ANGPT4: variants seen among roughly 807,000 people sequenced by gnomAD.
The protein encoded by ANGPT4 is angiopoietin-4.
ANGPT4 carries 50 observed loss-of-function variants against 53.0 expected under a neutral mutation model. The observed-to-expected ratio is 0.94, with a 90% confidence interval of 0.75 to 1.20. The LOEUF is 1.20. ANGPT4 is among the 50% of genes most tolerant of loss of function. The pLI, the probability that ANGPT4 is intolerant of heterozygous loss-of-function variation, is 0.00. For missense variants in ANGPT4, 648 were observed against 637.1 expected, an observed-to-expected ratio of 1.02 and a Z score of -0.18; for synonymous variants, 251 against 259.7, an observed-to-expected ratio of 0.97 and a Z score of 0.32.
rs6055458 is a variant in ANGPT4, at chr20:872,204, A to G, written c.*756T>C. On this transcript the variant is annotated 3_prime_UTR_variant, in exon 9 of 9. Coordinates refer to ENST00000381922, the MANE Select transcript of ANGPT4 (RefSeq NM_015985.4). Reference sequence around the variant, plus strand: ...ACTTAACCTGCTGTTTCCTTTTCTCATTGCTCATAGGTACTTTTAGAGACA... The same window carrying G: ...ACTTAACCTGCTGTTTCCTTTTCTCGTTGCTCATAGGTACTTTTAGAGACA... 0.18 allele frequency: 27,891 copies of G among 152,130 alleles called. 4,314 individuals are homozygous for G. Among genetic ancestry groups the G allele is most frequent in the African/African-American group, 0.43 (17,808 of 41,446 alleles). 9.4% of individuals were successfully genotyped at this position (152,130 alleles called of 1,614,324 possible).
rs911075471 is a variant in ANGPT4 at position 885,025 on chromosome 20, C to CG, written c.835+52_835+53insC. 4 of 1,604,618 alleles carry CG rather than the reference C, an allele frequency of 2.5e-6. No homozygotes were observed. In the African/African-American group the frequency reaches 4.0e-5, roughly 16 times the overall value. ...CCCTGGAGGGTGAGCAGGGTCTCCC[C>CG]TCCCCTCTCCTGCCCGTCTTTAGCC... On this transcript the variant is annotated intron_variant, in intron 4 of 8. Coordinates refer to ENST00000381922, the MANE Select transcript of ANGPT4 (RefSeq NM_015985.4).
In ANGPT4 at chr20:874,273, C is replaced by A; in HGVS notation, c.1351+11G>T. ...GTGGGTGGGCGGAGCTTCACCCCAC[C>A]CTGCACCTACCTCCAGACATCACTT... On this transcript the variant is annotated intron_variant, in intron 8 of 8. Coordinates refer to ENST00000381922, the MANE Select transcript of ANGPT4 (RefSeq NM_015985.4). The A allele has an allele frequency of 6.2e-7, 1 of 1,613,804 alleles. No individual in the cohort carries two copies. Among genetic ancestry groups the A allele is most frequent in the Non-Finnish European group, 8.5e-7 (1 of 1,179,834 alleles).
rs775920001 is a variant in ANGPT4, at chr20:890,292, G to A, written c.386C>T (p.Ala129Val). Residue 129 changes from alanine (A) to valine (V), a missense_variant, in exon 2 of 9, where the codon GCC becomes GTC. By Grantham distance (64) the Ala-to-Val change is moderately conservative (BLOSUM62 0). Coordinates refer to ENST00000381922, the MANE Select transcript of ANGPT4 (RefSeq NM_015985.4). ...VQQQMAQNQT[A>V]PMLELGTSLL... ...GCTGGTGCCCAGCTCTAGCATGGGG[G>A]CCGTCTGATTCTGGGCCATTTGCTG... The A allele has an allele frequency of 6.2e-7, 1 of 1,613,914 alleles. No individual in the cohort carries two copies. Among genetic ancestry groups the A allele is most frequent in the Non-Finnish European group, 8.5e-7 (1 of 1,179,996 alleles).
Position 874,317 on chromosome 20 carries a change from A to G in ANGPT4, c.1318T>C (p.Cys440Arg), listed in dbSNP as rs951142899. ...FSTLDSDNDH[C>R]LCKCAQVMSG... is the part of the protein sequence containing the mutation. ...ATCACTTGGGCACACTTGCAGAGAC[A>G]GTGGTCGTTGTCTGAGTCAAGGGTG... Residue 440 changes from cysteine to arginine, a missense_variant, in exon 8 of 9, where the codon TGT (cysteine) becomes CGT (arginine). By Grantham distance (180) the Cys-to-Arg change is radical. Transcript: ENST00000381922. 6.2e-7 allele frequency: 1 copy of G among 1,614,210 alleles called. No individual in the cohort carries two copies. The highest frequency in any genetic ancestry group is 8.5e-7 in the Non-Finnish European group (1 of 1,180,018).
intron 6 of ANGPT4, among the ~76,000 whole-genome samples, chr20:879,388 G>C (rs757142052): frequency 1.3e-5 from 2 of 152,128 alleles, no homozygotes; most frequent in African/African-American, 2.4e-5. Flanking sequence ...TATGATCATA[G>C]ACGTATGAAA....
rs569614440 is a variant in ANGPT4, at chr20:872,714, G to A, written c.*246C>T. On this transcript the variant is annotated 3_prime_UTR_variant, in exon 9 of 9. Transcript: ENST00000381922. ...CCTCAGGCAGGGAGCCCCTGAAGGG[G>A]GAGGGAGAGAAGAGGGGCGAGGACT... The A allele has an allele frequency of 1.5e-4, 80 of 516,668 alleles. No individual in the cohort carries two copies. Among genetic ancestry groups the A allele is most frequent in the African/African-American group, 1.5e-3 (79 of 52,216 alleles). 32.0% of individuals were successfully genotyped at this position (516,668 alleles called of 1,614,324 possible).
At chr20:898,008 T>C (rs1206643525) in intron 1 of ANGPT4, among the ~76,000 whole-genome samples, 1 of 152,240 alleles carries the variant, frequency 6.6e-6, no homozygotes, top group Admixed American at 6.5e-5. Flanking sequence ...TGGTCTGAGG[T>C]GCCTGATGTC....
rs189925668 is a variant in ANGPT4 at position 890,670 on chromosome 20, T to G, written c.310-302A>C. On this transcript the variant is annotated intron_variant, in intron 1 of 8. Transcript: ENST00000381922. ...AACCTAAGTCAAGTCACACTCCTCC[T>G]TTGCTCAAAATCTTTCCAGGGTTCC... Among the ~76,000 whole-genome samples the G allele has an allele frequency of 1.0e-3, 153 of 152,288 alleles. 4 individuals carry two copies. The East Asian group carries it at 0.024, about 24-fold the overall frequency.
At chr20:887,483 C>G (rs1981657823) in intron 3 of ANGPT4, among the ~76,000 whole-genome samples, 1 of 152,172 alleles carries the variant, frequency 6.6e-6, no homozygotes, top group Non-Finnish European at 1.5e-5. Flanking sequence ...CAACATCTTG[C>G]CTGATTCACA....
intron 1 of ANGPT4, among the ~76,000 whole-genome samples, chr20:900,327 C>T (rs887639794): frequency 6.6e-6 from 1 of 152,158 alleles, no homozygotes; most frequent in Non-Finnish European, 1.5e-5. Flanking sequence ...TAGGAAGTTA[C>T]CCCATCAGTC....
At chr20:875,640 T>C (rs920576785) in intron 7 of ANGPT4, among the ~76,000 whole-genome samples, 19 of 152,170 alleles carry the variant, frequency 1.2e-4, no homozygotes, top group African/African-American at 4.6e-4. Flanking sequence ...CGTTTATTAT[T>C]GATTTGGTGA....
rs1408102068 is a variant in ANGPT4 at position 871,749 on chromosome 20, G to A, written c.*1211C>T. 6.6e-6 allele frequency: 1 copy of A among 152,244 alleles called. No individual in the cohort carries two copies. The highest frequency in any genetic ancestry group is 1.5e-5 in the Non-Finnish European group (1 of 68,082). 9.4% of individuals were successfully genotyped at this position (152,244 alleles called of 1,614,324 possible). A position where few individuals can be genotyped will look rare whatever the true frequency, so the allele number is the denominator to read the frequency against. ...AGTTGAGGTTACAGGGAGTCCTAAGGGAAGCCACCCAGGTAGAGATCAGCT... is the reference window on the plus strand; with the variant it reads ...AGTTGAGGTTACAGGGAGTCCTAAGAGAAGCCACCCAGGTAGAGATCAGCT... On this transcript the variant is annotated 3_prime_UTR_variant, in exon 9 of 9. Coordinates refer to ENST00000381922, the MANE Select transcript of ANGPT4 (RefSeq NM_015985.4).
Position 879,805 on chromosome 20 carries a change from A to C in ANGPT4, c.995T>G (p.Ile332Ser), listed in dbSNP as rs1384188290. ...CACGGTGCCATTCTCACGGCGCTGGATGAGGGTCCACCTGCCTCCACTGCT... is the reference window on the plus strand; with the variant it reads ...CACGGTGCCATTCTCACGGCGCTGGCTGAGGGTCCACCTGCCTCCACTGCT... ...LQSSGGRWTL[I>S]QRRENGTVNF... The change falls in exon 6 of 9, where the codon ATC becomes AGC. Residue 332 changes from isoleucine to serine, a missense_variant. By Grantham distance (142) the Ile-to-Ser change is moderately radical. Transcript: ENST00000381922. 1.2e-6 allele frequency: 2 copies of C among 1,613,788 alleles called. No individual in the cohort carries two copies. Among genetic ancestry groups the C allele is most frequent in the South Asian group, 1.1e-5 (1 of 91,044 alleles).
chr20:881,290 C>A lies in ANGPT4; in HGVS notation c.836-4G>T. On this transcript the variant is annotated splice_region_variant and splice_polypyrimidine_tract_variant and intron_variant, in intron 4 of 8. Transcript: ENST00000381922. ...TGCTCACCTGCCATTATGAAGGCTG[C>A]AAAGGGACAACACAAAAGTCAGTTG... 5 of 1,613,780 alleles carry A rather than the reference C, an allele frequency of 3.1e-6. No individual in the cohort carries two copies. The highest frequency in any genetic ancestry group is 2.2e-5 in the East Asian group (1 of 44,884).
chr20:897,065 GCCAGAGAACAACCC>G (rs1172752375), intron 1 of ANGPT4, among the ~76,000 whole-genome samples: 2 of 151,958 alleles, frequency 1.3e-5, no homozygotes, highest in African/African-American at 4.8e-5. Flanking sequence ...GCCCCTGCCC[GCCAGAGAACAACCC>G]CCTTTAACTG....
intron 1 of ANGPT4, among the ~76,000 whole-genome samples, chr20:892,274 T>C (rs758622073): frequency 6.6e-6 from 1 of 152,008 alleles, no homozygotes; most frequent in African/African-American, 2.4e-5. Context: ...ACGTTAATAA[T>C]AAAATGATGT....
intron 2 of ANGPT4, among the ~76,000 whole-genome samples, chr20:889,124 C>T (rs1981734456): frequency 6.6e-6 from 1 of 152,184 alleles, no homozygotes; most frequent in South Asian, 2.1e-4. Flanking sequence ...TGCAGCCCTA[C>T]CTTCTCCATG....
chr20:909,088 A>G (rs944323519), intron 1 of ANGPT4, among the ~76,000 whole-genome samples: 1 of 151,588 alleles, frequency 6.6e-6, no homozygotes, highest in Non-Finnish European at 1.5e-5. Context: ...CCGGGTACGA[A>G]CTCACCTCCC....
chr20:882,867 G>A (rs1291874136), intron 4 of ANGPT4, among the ~76,000 whole-genome samples: 1 of 152,218 alleles, frequency 6.6e-6, no homozygotes, highest in African/African-American at 2.4e-5. Context: ...TGTTTCCAAG[G>A]TGTCATGTAA....
Sources: allele counts gnomAD v4.1 joint callset (sites outside exome capture counted in the v4.1 genomes callset), GRCh38; gene constraint gnomAD v4.1.1; transcripts MANE v1.5; gene names NCBI Gene and HGNC (gene_info 2026-07-23, HGNC 2026-07-21).